Variants in SLMAP observed in about 807,000 individuals in gnomAD.
The protein encoded by SLMAP is sarcolemma associated protein, also known as sarcolemmal membrane-associated protein.
A neutral mutation model predicts 128.8 loss-of-function variants in SLMAP; 44 were observed. That is an observed-to-expected ratio of 0.34 (90% CI 0.27 to 0.44). The LOEUF is 0.44. Ranked by LOEUF, SLMAP falls within the 20% of genes least tolerant of loss-of-function variation. The pLI, the probability that SLMAP is intolerant of heterozygous loss-of-function variation, is 1.00. For missense variants in SLMAP, 787 were observed against 985.3 expected (o/e 0.80, Z 2.69); for synonymous variants, 327 against 348.8 (o/e 0.94, Z 0.70).
At chr3:57,779,524 A>T (rs963356287) in intron 2 of SLMAP, among the ~76,000 whole-genome samples, 26 of 151,348 alleles carry the variant, frequency 1.7e-4, no homozygotes, top group Non-Finnish European at 3.0e-4. Context: ...AAAAAAAAAA[A>T]ACAAAAATAA....
chr3:57,762,510 A>G (rs2078892030), intron 2 of SLMAP, among the ~76,000 whole-genome samples: 1 of 152,194 alleles, frequency 6.6e-6, no homozygotes, highest in South Asian at 2.1e-4. Context: ...AGCTCATGGA[A>G]TATCTTATTG....
intron 2 of SLMAP, among the ~76,000 whole-genome samples, chr3:57,779,936 C>G (rs1322467435): frequency 6.6e-6 from 1 of 150,590 alleles, no homozygotes; most frequent in East Asian, 1.9e-4. Context: ...GGTACACCGA[C>G]TTTTTTTTTA....
At chr3:57,848,251 T>C (rs1159521152) in intron 5 of SLMAP, among the ~76,000 whole-genome samples, 1 of 149,616 alleles carries the variant, frequency 6.7e-6, no homozygotes, top group African/African-American at 2.5e-5. Flanking sequence ...TTCTCCTTCT[T>C]CTCCTCCTCC....
intron 2 of SLMAP, among the ~76,000 whole-genome samples, chr3:57,816,452 A>G (rs1292118219): frequency 6.6e-6 from 1 of 152,040 alleles, no homozygotes; most frequent in East Asian, 1.9e-4. Context: ...CCGAATTTAA[A>G]CCTTTAATAT....
chr3:57,786,478 A>G (rs1226066827), intron 2 of SLMAP, among the ~76,000 whole-genome samples: 1 of 152,080 alleles, frequency 6.6e-6, no homozygotes, highest in Non-Finnish European at 1.5e-5. Flanking sequence ...GAGAAGCAGT[A>G]GAATAATTGA....
At chr3:57,922,832 A>G in intron 22 of SLMAP, 57 bp from the exon 23 acceptor site, 1 of 1,538,914 alleles carries the variant, frequency 6.5e-7, no homozygotes, top group Non-Finnish European at 8.9e-7. Flanking sequence ...GATTAGAACC[A>G]TAACATCATA....
At chr3:57,895,752 G>T (rs1055589764) in intron 15 of SLMAP, among the ~76,000 whole-genome samples, 4 of 151,970 alleles carry the variant, frequency 2.6e-5, no homozygotes, top group Non-Finnish European at 4.4e-5. Flanking sequence ...GACCAGCCTA[G>T]GCAACATAGC....
intron 14 of SLMAP, among the ~76,000 whole-genome samples, chr3:57,883,321 A>G (rs906020228): frequency 6.6e-6 from 1 of 152,200 alleles, no homozygotes; most frequent in Non-Finnish European, 1.5e-5. Context: ...TGGACAATGG[A>G]CAATAGGGTC....
chr3:57,879,037 T>G (rs908481824), intron 14 of SLMAP, among the ~76,000 whole-genome samples: 4 of 152,198 alleles, frequency 2.6e-5, no homozygotes, highest in African/African-American at 7.2e-5. Context: ...AAATGGCTTT[T>G]TAGCTTTAAG....
At chr3:57,788,576 T>C (rs2084751456) in intron 2 of SLMAP, among the ~76,000 whole-genome samples, 1 of 152,118 alleles carries the variant, frequency 6.6e-6, no homozygotes, top group South Asian at 2.1e-4. Context: ...ACCCTGGGGA[T>C]GACCAGCATT....
intron 6 of SLMAP, among the ~76,000 whole-genome samples, chr3:57,852,773 G>A (rs796561749): frequency 3.9e-5 from 6 of 152,232 alleles, no homozygotes; most frequent in East Asian, 1.9e-4. Flanking sequence ...ACTAGTCATC[G>A]TGGATAGCAA....
chr3:57,891,221 T>A (rs1252715890), intron 15 of SLMAP: 3 of 151,024 alleles, frequency 2.0e-5, no homozygotes, highest in Non-Finnish European at 4.4e-5. Flanking sequence ...AAAAAAAAAA[T>A]GCTTCTTTAA....
intron 13 of SLMAP, among the ~76,000 whole-genome samples, chr3:57,870,520 A>G (rs1575517539): frequency 6.6e-6 from 1 of 152,158 alleles, no homozygotes; most frequent in East Asian, 1.9e-4. Flanking sequence ...GTGATGATAG[A>G]TGAGAGGCTC....
chr3:57,916,857 T>A, intron 21 of SLMAP, 49 bp from the exon 22 acceptor site: 1 of 1,482,270 alleles, frequency 6.7e-7, no homozygotes, highest in Non-Finnish European at 9.3e-7. Flanking sequence ...CTTCCTTCTG[T>A]GTCCAGTTTC....
rs375525972 is a variant in SLMAP, at chr3:57,841,413, T to C, written c.419+42T>C. 1.7e-5 allele frequency: 20 copies of C among 1,168,608 alleles called. No individual in the cohort carries two copies. The African/African-American group carries it at 2.9e-4, about 17-fold the overall frequency. The allele number at this position is 1,168,608 out of a possible 1,614,324, so 72.4% of individuals were successfully genotyped here. On this transcript the variant is annotated intron_variant, in intron 4 of 24. Transcript: ENST00000671191. ...ACTGTGAAGTTTTTGTGAAGTTTAGTACTGTAAAGAATTTAGTAATAATAT... is the reference window on the plus strand; with the variant it reads ...ACTGTGAAGTTTTTGTGAAGTTTAGCACTGTAAAGAATTTAGTAATAATAT...
intron 4 of SLMAP, among the ~76,000 whole-genome samples, chr3:57,843,233 T>G (rs773214648): frequency 9.2e-5 from 14 of 151,914 alleles, no homozygotes; most frequent in Non-Finnish European, 1.9e-4. Context: ...ACTTTTTTCC[T>G]TCCTTAATTT....
chr3:57,862,539 A>G (rs1427397455), intron 10 of SLMAP, among the ~76,000 whole-genome samples: 1 of 149,660 alleles, frequency 6.7e-6, no homozygotes, highest in African/African-American at 2.5e-5. Context: ...TTGGGAGTCT[A>G]AGGCAGAAGA....
chr3:57,775,382 T>C (rs1576295169), intron 2 of SLMAP, among the ~76,000 whole-genome samples: 1 of 151,980 alleles, frequency 6.6e-6, no homozygotes, highest in East Asian at 1.9e-4. Context: ...TTAAAAATAC[T>C]TGTGGCTGGG....
chr3:57,925,783 A>G (rs185261910), intron 23 of SLMAP, 62 bp from the exon 24 acceptor site: 2 of 1,214,404 alleles, frequency 1.6e-6, no homozygotes, highest in Admixed American at 2.0e-5. Flanking sequence ...CTGGGGTCTG[A>G]ATCCTCTTAT....
Sources: gnomAD v4.1 joint callset for allele counts (sites outside exome capture counted in the v4.1 genomes callset) on GRCh38, gnomAD v4.1.1 for gene constraint, MANE v1.5 for transcripts, NCBI Gene and HGNC (gene_info 2026-07-23, HGNC 2026-07-21) for gene names.